PHF20: variants seen among roughly 807,000 people sequenced by gnomAD.
PHF20 encodes the protein glioma-expressed antigen 2.
In PHF20, 23 loss-of-function variants were observed where a neutral mutation model predicts 113.5. The ratio of observed to expected loss-of-function variants is 0.20; its 90% CI spans 0.15 to 0.29. The LOEUF (loss-of-function observed/expected upper bound fraction) is 0.29. PHF20 is among the 10% of genes least tolerant of loss of function. The pLI is 1.00. For missense variants in PHF20, 943 were observed against 1,219.6 expected, an observed-to-expected ratio of 0.77 and a Z score of 3.38; for synonymous variants, 434 against 457.3, an observed-to-expected ratio of 0.95 and a Z score of 0.65.
At chr20:35,842,552 A>AT (rs531521448) in intron 2 of PHF20, 21 bp from the exon 3 acceptor site, 43,772 of 1,040,964 alleles carry the variant, frequency 0.042, 1 homozygote, top group South Asian at 0.056. Flanking sequence ...AGGAATGCCA[A>AT]TTTTTTTTTT....
At chr20:35,905,507 C>T (rs886565007) in intron 10 of PHF20, among the ~76,000 whole-genome samples, 1 of 152,136 alleles carries the variant, frequency 6.6e-6, no homozygotes, top group Non-Finnish European at 1.5e-5. Context: ...CCTATCCCCC[C>T]ATGTGAGGAT....
intron 1 of PHF20, chr20:35,800,081 T>G (rs2041749430): frequency 6.6e-6 from 1 of 152,176 alleles, no homozygotes; most frequent in South Asian, 2.1e-4. Flanking sequence ...AATATAAATT[T>G]TATTCATTGC....
chr20:35,939,075 G>A lies in PHF20; in HGVS notation c.2679G>A (p.Lys893=). ...LGWPLDQDRS[K]GDSDPKPGSP... is the part of the protein sequence containing the mutation. The stretch of plus-strand genomic sequence containing the variant: ...GGCCTCTAGACCAAGACAGGAGCAA[G>A]GGGGACAGTGACCCCAAACCCGGCT... Residue 893 remains lysine, a synonymous_variant, in exon 16 of 18, where the codon AAG becomes AAA. Transcript: ENST00000374012. The A allele has an allele frequency of 1.2e-6, 2 of 1,612,012 alleles. No individual in the cohort carries two copies. The highest frequency in any genetic ancestry group is 1.7e-6 in the Non-Finnish European group (2 of 1,178,528).
At chr20:35,856,021 C>T (rs2042820833) in intron 4 of PHF20, among the ~76,000 whole-genome samples, 1 of 152,102 alleles carries the variant, frequency 6.6e-6, no homozygotes, top group South Asian at 2.1e-4. Context: ...TATAGTCACC[C>T]TGTTGTGCTA....
chr20:35,869,006 G>A, intron 6 of PHF20, among the ~76,000 whole-genome samples: 1 of 151,912 alleles, frequency 6.6e-6, no homozygotes, highest in Admixed American at 6.6e-5. Flanking sequence ...CAGGAGAATC[G>A]TTTGCACCTG....
chr20:35,926,450 A>G (rs1242524428), intron 13 of PHF20, among the ~76,000 whole-genome samples: 2 of 151,592 alleles, frequency 1.3e-5, no homozygotes, highest in African/African-American at 2.4e-5. Context: ...TGTGTTAGCC[A>G]GGATGGTCTC....
intron 4 of PHF20, among the ~76,000 whole-genome samples, chr20:35,856,012 A>G (rs2042820527): frequency 6.6e-6 from 1 of 152,070 alleles, no homozygotes; most frequent in Non-Finnish European, 1.5e-5. Flanking sequence ...ATTTTTGACT[A>G]TAGTCACCCT....
At chr20:35,784,378 C>T (rs150806896) in intron 1 of PHF20, among the ~76,000 whole-genome samples, 94 of 150,080 alleles carry the variant, frequency 6.3e-4, no homozygotes, top group African/African-American at 2.1e-3. Flanking sequence ...CATTTTCACA[C>T]ACACAAAACT....
chr20:35,804,296 C>T (rs2041841583), intron 2 of PHF20, among the ~76,000 whole-genome samples: 2 of 145,108 alleles, frequency 1.4e-5, no homozygotes, highest in African/African-American at 2.6e-5. Flanking sequence ...TGCAGTGGCT[C>T]GATCTCTCCT....
intron 2 of PHF20, among the ~76,000 whole-genome samples, chr20:35,830,892 C>T (rs575655048): frequency 7.9e-5 from 12 of 152,016 alleles, no homozygotes; most frequent in Admixed American, 7.9e-4. Context: ...CTCCCCTGTC[C>T]TGCTGCAGTG....
intron 5 of PHF20, among the ~76,000 whole-genome samples, chr20:35,862,074 G>A (rs1568667383): frequency 6.6e-6 from 1 of 152,124 alleles, no homozygotes; most frequent in Admixed American, 6.6e-5. Context: ...GAGGACCCTC[G>A]ATTTTTAGTG....
At chr20:35,864,009 C>A (rs1418226298) in intron 6 of PHF20, among the ~76,000 whole-genome samples, 4 of 152,076 alleles carry the variant, frequency 2.6e-5, no homozygotes, top group Non-Finnish European at 5.9e-5. Context: ...ATTTGGAATT[C>A]TTCTAGAATA....
intron 9 of PHF20, 138 bp downstream of exon 9, chr20:35,871,967 C>A: frequency 3.7e-6 from 2 of 539,582 alleles, no homozygotes; most frequent in Admixed American, 3.7e-5. Context: ...TAATGTTATG[C>A]TCCTTTCATT....
chr20:35,781,527 T>C (rs2041296136), intron 1 of PHF20, among the ~76,000 whole-genome samples: 1 of 152,216 alleles, frequency 6.6e-6, no homozygotes, highest in Admixed American at 6.6e-5. Flanking sequence ...GTTGTTGTTG[T>C]TGTCGTGGTC....
chr20:35,780,138 A>G (rs1039180687), intron 1 of PHF20, among the ~76,000 whole-genome samples: 1 of 151,064 alleles, frequency 6.6e-6, no homozygotes. Context: ...TAGAAATTTG[A>G]GTAAGTCATT....
chr20:35,917,295 G>A (rs1217483272), intron 12 of PHF20, 189 bp from the exon 13 acceptor site: 2 of 693,778 alleles, frequency 2.9e-6, no homozygotes, highest in Non-Finnish European at 2.7e-6. Context: ...TCACTGCCAG[G>A]CAGCATGCTT....
In PHF20 at chr20:35,885,467, C is replaced by CTTTTTT. The variant is rs577878410; in HGVS notation, c.1282+13666_1282+13671dup. Among the ~76,000 whole-genome samples the CTTTTTT allele has an allele frequency of 3.6e-4, 13 of 35,734 alleles. 1 individual carries two copies. Among genetic ancestry groups the CTTTTTT allele is most frequent in the Admixed American group, 7.6e-4 (2 of 2,630 alleles). The allele number at this position is 35,734 out of a possible 152,430, so 23.4% of individuals were successfully genotyped here. A position where few individuals can be genotyped will look rare whatever the true frequency, so the allele number is the denominator to read the frequency against. On this transcript the variant is annotated intron_variant, in intron 9 of 17. Transcript: ENST00000374012. ...CTGGAGTGGGGGACAGGGGAATAAG[C>CTTTTTT]TTTTTTTTTTTTTTTTTTTTTTTTT...
At chr20:35,840,757 AT>A (rs1241886226) in intron 2 of PHF20, among the ~76,000 whole-genome samples, 1 of 152,138 alleles carries the variant, frequency 6.6e-6, no homozygotes, top group Non-Finnish European at 1.5e-5. Context: ...TACCTTGATG[AT>A]TTACATGTGT....
chr20:35,845,557 A>G (rs912062041), intron 3 of PHF20: 43 of 162,464 alleles, frequency 2.6e-4, no homozygotes, highest in Admixed American at 2.0e-3. Context: ...TTGTAGAGAC[A>G]AGGTCTTATT....
Sources: gnomAD v4.1 joint callset for allele counts (sites outside exome capture counted in the v4.1 genomes callset) on GRCh38, gnomAD v4.1.1 for gene constraint, MANE v1.5 for transcripts, NCBI Gene and HGNC (gene_info 2026-07-23, HGNC 2026-07-21) for gene names.